The following SNX29 variants were observed in gnomAD, a reference collection of about 807,000 sequenced individuals.
SNX29 encodes sorting nexin-29.
In SNX29, 78 loss-of-function variants were observed where a neutral mutation model predicts 102.1. The observed-to-expected ratio is 0.76, with a 90% CI of 0.64 to 0.92. The LOEUF (loss-of-function observed/expected upper bound fraction) is 0.92, where lower values mean the gene tolerates loss of function less well. SNX29 is among the 40% of genes least tolerant of loss of function. The pLI is 0.00. For missense variants in SNX29, 1,280 were observed against 1,061.7 expected, an observed-to-expected ratio of 1.21 and a Z score of -2.86; for synonymous variants, 580 against 414.5, an observed-to-expected ratio of 1.40 and a Z score of -4.85.
intron 13 of SNX29, among the ~76,000 whole-genome samples, chr16:12,195,206 A>C (rs919810609): frequency 6.6e-6 from 1 of 152,214 alleles, no homozygotes; most frequent in Non-Finnish European, 1.5e-5. Flanking sequence ...GGGGATAAAC[A>C]TACATATTTA....
chr16:12,570,208 C>G lies in SNX29; in HGVS notation c.*1579C>G, dbSNP rs556864401. ...TCAGCCTACATGACTTCCAAGGGGA[C>G]CTGGGGCCAGATAAGCCCTGCCCCG... On this transcript the variant is annotated 3_prime_UTR_variant, in exon 21 of 21. Coordinates refer to ENST00000566228, the MANE Select transcript of SNX29 (RefSeq NM_032167.5). The G allele has an allele frequency of 3.5e-5, 37 of 1,064,964 alleles. No homozygotes were observed. The East Asian group carries it at 1.6e-3, about 46-fold the overall frequency. The allele number at this position is 1,064,964 out of a possible 1,614,324, so 66.0% of individuals were successfully genotyped here.
At chr16:12,517,374 G>C (rs2089911808) in intron 19 of SNX29, among the ~76,000 whole-genome samples, 1 of 152,214 alleles carries the variant, frequency 6.6e-6, no homozygotes, top group Non-Finnish European at 1.5e-5. Flanking sequence ...CCATGTGACA[G>C]ATGGGGCCTC....
intron 13 of SNX29, among the ~76,000 whole-genome samples, chr16:12,160,496 A>G (rs555590850): frequency 6.6e-6 from 1 of 152,328 alleles, no homozygotes; most frequent in Admixed American, 6.5e-5. Flanking sequence ...CCTGTGAAAC[A>G]TCTAGGATAA....
chr16:12,321,954 C>G (rs2080947869), intron 15 of SNX29, among the ~76,000 whole-genome samples: 1 of 152,268 alleles, frequency 6.6e-6, no homozygotes, highest in South Asian at 2.1e-4. Context: ...CTGGCTGACT[C>G]AAACATCAAA....
At chr16:12,111,232 C>T (rs778242213) in intron 11 of SNX29, among the ~76,000 whole-genome samples, 126 of 152,308 alleles carry the variant, frequency 8.3e-4, no homozygotes, top group Admixed American at 1.1e-3. Context: ...CATGCACACA[C>T]CTGTACCCTT....
intron 16 of SNX29, among the ~76,000 whole-genome samples, chr16:12,387,118 C>T (rs1233249880): frequency 6.6e-6 from 1 of 150,726 alleles, no homozygotes; most frequent in Admixed American, 6.6e-5. Flanking sequence ...GAGTGAGACT[C>T]AGTCTCATTA....
intron 11 of SNX29, among the ~76,000 whole-genome samples, chr16:12,113,573 C>T (rs150360640): frequency 2.6e-5 from 4 of 152,284 alleles, no homozygotes; most frequent in African/African-American, 9.6e-5. Context: ...GCATATGATA[C>T]CACAGCCTGA....
intron 18 of SNX29, among the ~76,000 whole-genome samples, chr16:12,442,072 G>A (rs112352865): frequency 0.038 from 5,718 of 152,164 alleles, 153 homozygotes; most frequent in Non-Finnish European, 0.059. Flanking sequence ...GAGCCACCAC[G>A]CCTGGCTTTG....
At chr16:12,118,729 C>A (rs1461239223) in intron 11 of SNX29, among the ~76,000 whole-genome samples, 1 of 152,142 alleles carries the variant, frequency 6.6e-6, no homozygotes, top group Non-Finnish European at 1.5e-5. Context: ...TAAATTCACG[C>A]ATACCTGAGT....
rs933167589 is a variant in SNX29, at chr16:12,187,549, A to G, written c.1596-12052A>G. ...GGTGACAGAGTGAGACTCTGTTTAA[A>G]AAAAAAAAAAAAATCCAGGATAGGC... On this transcript the variant is annotated intron_variant, in intron 13 of 20. Coordinates refer to ENST00000566228, the MANE Select transcript of SNX29 (RefSeq NM_032167.5). 7.3e-5 allele frequency among the ~76,000 whole-genome samples: 11 copies of G among 151,510 alleles called. 1 individual carries two copies. The highest frequency in any genetic ancestry group is 1.5e-5 in the Non-Finnish European group (1 of 67,758).
At chr16:12,512,407 T>G (rs2089669518) in intron 19 of SNX29, among the ~76,000 whole-genome samples, 1 of 76,012 alleles carries the variant, frequency 1.3e-5, no homozygotes, top group Non-Finnish European at 2.6e-5. Context: ...TATATATATA[T>G]ATATATATAT....
intron 20 of SNX29, among the ~76,000 whole-genome samples, chr16:12,545,818 C>G (rs1014798196): frequency 2.6e-5 from 4 of 152,078 alleles, no homozygotes; most frequent in African/African-American, 4.8e-5. Context: ...CCTACTGACT[C>G]TCCAGACCTG....
intron 14 of SNX29, among the ~76,000 whole-genome samples, chr16:12,241,772 A>G (rs960801707): frequency 2.0e-5 from 3 of 152,160 alleles, no homozygotes; most frequent in African/African-American, 4.8e-5. Flanking sequence ...TCCCTGGCCT[A>G]TCTTTGTTTC....
chr16:12,336,240 G>C (rs928938146), intron 15 of SNX29, among the ~76,000 whole-genome samples: 1 of 152,168 alleles, frequency 6.6e-6, no homozygotes, highest in African/African-American at 2.4e-5. Context: ...GCTTTGGTTT[G>C]GCGCTCACTG....
At chr16:12,061,380 C>T (rs776201195) in intron 8 of SNX29, 148 bp from the exon 9 acceptor site, 49 of 635,232 alleles carry the variant, frequency 7.7e-5, no homozygotes, top group Non-Finnish European at 1.0e-4. Context: ...CTGGACTCCA[C>T]GCTCTACCTC....
At chr16:12,014,543 A>G (rs1464861491) in intron 3 of SNX29, among the ~76,000 whole-genome samples, 1 of 151,908 alleles carries the variant, frequency 6.6e-6, no homozygotes, top group African/African-American at 2.4e-5. Context: ...GACCCGCCTG[A>G]CCAACATAGA....
chr16:12,420,257 C>G (rs1029676632), intron 18 of SNX29, among the ~76,000 whole-genome samples: 1 of 152,224 alleles, frequency 6.6e-6, no homozygotes, highest in Non-Finnish European at 1.5e-5. Context: ...GAATAGACAA[C>G]TGAAATGAAT....
Position 12,571,720 on chromosome 16 carries a change from T to C in SNX29, c.*3091T>C. ...AACAAAAGCTTCTAAGGGAGGGAGC[T>C]TAAAGGCTGCTAGAAACCTAGCCCA... On this transcript the variant is annotated 3_prime_UTR_variant, in exon 21 of 21. Transcript: ENST00000566228. 2.8e-6 allele frequency: 3 copies of C among 1,053,894 alleles called. No homozygotes were observed. Among genetic ancestry groups the C allele is most frequent in the Non-Finnish European group, 3.4e-6 (3 of 870,106 alleles). The allele number at this position is 1,053,894 out of a possible 1,614,324, so 65.3% of individuals were successfully genotyped here.
At chr16:12,538,372 G>C (rs750013462) in intron 20 of SNX29, among the ~76,000 whole-genome samples, 2 of 152,166 alleles carry the variant, frequency 1.3e-5, no homozygotes, top group African/African-American at 2.4e-5. Flanking sequence ...TTACAGGCGT[G>C]AGCCACCGCG....
Sources: gnomAD v4.1 joint callset for allele counts (sites outside exome capture counted in the v4.1 genomes callset) on GRCh38, gnomAD v4.1.1 for gene constraint, MANE v1.5 for transcripts, NCBI Gene and HGNC (gene_info 2026-07-23, HGNC 2026-07-21) for gene names.